Variants in THSD7B observed in about 807,000 individuals in gnomAD.
The protein encoded by THSD7B is thrombospondin type-1 domain-containing protein 7B.
THSD7B carries 138 observed loss-of-function variants against 213.6 expected under a neutral mutation model. The observed-to-expected ratio is 0.65, with a 90% CI of 0.56 to 0.74. The LOEUF (loss-of-function observed/expected upper bound fraction) is 0.74, where lower values mean the gene tolerates loss of function less well. Among genes scored for constraint, THSD7B ranks in the 30% least tolerant of loss-of-function variants. The pLI, the probability that THSD7B is intolerant of heterozygous loss-of-function variation, is 0.00. For missense variants in THSD7B, 1,931 were observed against 1,991.5 expected, an observed-to-expected ratio of 0.97 and a Z score of 0.58; for synonymous variants, 742 against 687.0, an observed-to-expected ratio of 1.08 and a Z score of -1.25.
chr2:136,776,325 G>T (rs1681603804), intron 1 of THSD7B, among the ~76,000 whole-genome samples: 2 of 151,968 alleles, frequency 1.3e-5, no homozygotes, highest in African/African-American at 4.8e-5. Flanking sequence ...CTTATTTCAT[G>T]GTGTTTTGAA....
chr2:137,326,871 A>G (rs1684385380), intron 12 of THSD7B, among the ~76,000 whole-genome samples: 1 of 152,176 alleles, frequency 6.6e-6, no homozygotes, highest in South Asian at 2.1e-4. Flanking sequence ...CCCTCCCTTG[A>G]TAAATGCAGT....
chr2:136,857,484 G>A (rs1683194265), intron 1 of THSD7B, among the ~76,000 whole-genome samples: 1 of 152,174 alleles, frequency 6.6e-6, no homozygotes, highest in African/African-American at 2.4e-5. Context: ...CAAGTCCTAG[G>A]CATCCCGTCT....
chr2:136,971,168 G>A (rs1685397840), intron 2 of THSD7B, among the ~76,000 whole-genome samples: 2 of 152,272 alleles, frequency 1.3e-5, no homozygotes, highest in East Asian at 1.9e-4. Context: ...TTATAGAACT[G>A]TAAATGTGCA....
At chr2:137,588,379 C>T (rs550279758) in intron 17 of THSD7B, among the ~76,000 whole-genome samples, 272 of 152,226 alleles carry the variant, frequency 1.8e-3, no homozygotes, top group African/African-American at 6.0e-3. Flanking sequence ...GAGATGAACC[C>T]GGTACCTCAG....
chr2:136,807,506 T>C (rs1682302539), intron 1 of THSD7B, among the ~76,000 whole-genome samples: 1 of 118,124 alleles, frequency 8.5e-6, no homozygotes, highest in Admixed American at 8.9e-5. Flanking sequence ...TACAAAATGT[T>C]TCGTTTTTTT....
At chr2:137,638,198 A>C (rs1015847631) in intron 20 of THSD7B, among the ~76,000 whole-genome samples, 2 of 152,158 alleles carry the variant, frequency 1.3e-5, no homozygotes, top group African/African-American at 2.4e-5. Flanking sequence ...TGTGTCCCCA[A>C]CCAAATCTCA....
intron 7 of THSD7B, among the ~76,000 whole-genome samples, chr2:137,201,181 C>A (rs1194656387): frequency 6.6e-6 from 1 of 152,030 alleles, no homozygotes; most frequent in Admixed American, 6.6e-5. Context: ...TTTTGATGGC[C>A]ATTTTAGTGT....
chr2:137,283,522 A>G (rs1683088212), intron 12 of THSD7B, among the ~76,000 whole-genome samples: 1 of 152,100 alleles, frequency 6.6e-6, no homozygotes, highest in Non-Finnish European at 1.5e-5. Flanking sequence ...TCAGTATGAT[A>G]TTGGCTGTGG....
chr2:137,115,015 G>T, intron 4 of THSD7B, 109 bp from the exon 5 acceptor site: 2 of 1,173,456 alleles, frequency 1.7e-6, no homozygotes, highest in East Asian at 5.0e-5. Flanking sequence ...GCAAAGATTT[G>T]GCCCTAGAAA....
chr2:137,359,378 A>G (rs1685203244), intron 12 of THSD7B, among the ~76,000 whole-genome samples: 1 of 152,230 alleles, frequency 6.6e-6, no homozygotes, highest in African/African-American at 2.4e-5. Context: ...TTATCTTAAA[A>G]TAGTGTGAGA....
At chr2:137,176,784 C>T (rs1162793208) in intron 7 of THSD7B, among the ~76,000 whole-genome samples, 1 of 152,176 alleles carries the variant, frequency 6.6e-6, no homozygotes, top group Admixed American at 6.5e-5. Flanking sequence ...TCTTTCTTCT[C>T]AGTTGAAATA....
intron 12 of THSD7B, among the ~76,000 whole-genome samples, chr2:137,398,869 C>T (rs1348145280): frequency 6.6e-6 from 1 of 152,180 alleles, no homozygotes; most frequent in African/African-American, 2.4e-5. Context: ...TCTCTTGGTG[C>T]ACCGTTTTTT....
chr2:137,045,676 T>C (rs1686956868), intron 2 of THSD7B, among the ~76,000 whole-genome samples: 1 of 152,200 alleles, frequency 6.6e-6, no homozygotes, highest in South Asian at 2.1e-4. Context: ...AAAAAGATAA[T>C]ATTTTACTTG....
At chr2:137,430,656 G>C (rs1442246396) in intron 14 of THSD7B, among the ~76,000 whole-genome samples, 1 of 152,176 alleles carries the variant, frequency 6.6e-6, no homozygotes, top group Non-Finnish European at 1.5e-5. Flanking sequence ...TTAGAAAGTT[G>C]GGGCATTAGC....
At chr2:137,338,794 C>G (rs1319993437) in intron 12 of THSD7B, among the ~76,000 whole-genome samples, 2 of 152,068 alleles carry the variant, frequency 1.3e-5, no homozygotes, top group Admixed American at 6.5e-5. Flanking sequence ...TACAAAGCCT[C>G]TGTGTGTACC....
rs190065519 is a variant in THSD7B at position 137,454,565 on chromosome 2, G to A, written c.3138+3542G>A. Among the ~76,000 whole-genome samples, 5 of 151,918 alleles carry A rather than the reference G, an allele frequency of 3.3e-5. No homozygotes were observed. In the East Asian group the frequency reaches 9.7e-4, roughly 29 times the overall value. On this transcript the variant is annotated intron_variant, in intron 15 of 27. Transcript: ENST00000409968. ...TCTTATGTATAGTAGAATCCCATGTGTTTGTTATACTGTACATAGAGCTTT... is the reference window on the plus strand; with the variant it reads ...TCTTATGTATAGTAGAATCCCATGTATTTGTTATACTGTACATAGAGCTTT...
intron 15 of THSD7B, among the ~76,000 whole-genome samples, chr2:137,494,455 A>G (rs898782900): frequency 2.6e-5 from 4 of 152,242 alleles, no homozygotes; most frequent in Middle Eastern, 6.8e-3. Context: ...AATAAAGATG[A>G]TAGTTAGCTG....
At chr2:137,155,518 G>A (rs1298557774) in intron 5 of THSD7B, among the ~76,000 whole-genome samples, 1 of 152,200 alleles carries the variant, frequency 6.6e-6, no homozygotes, top group African/African-American at 2.4e-5. Flanking sequence ...TTTGGCCAAA[G>A]AGAACTGAAG....
At chr2:136,867,003 CT>C (rs373514397) in intron 1 of THSD7B, among the ~76,000 whole-genome samples, 34 of 152,066 alleles carry the variant, frequency 2.2e-4, no homozygotes, top group African/African-American at 7.7e-4. Flanking sequence ...ATGTACCTTG[CT>C]TTACCTATTC....
Sources: gnomAD v4.1 joint callset for allele counts (sites outside exome capture counted in the v4.1 genomes callset) on GRCh38, gnomAD v4.1.1 for gene constraint, MANE v1.5 for transcripts, NCBI Gene and HGNC (gene_info 2026-07-23, HGNC 2026-07-21) for gene names.